PSD3: variants seen among roughly 807,000 people sequenced by gnomAD.
PSD3 encodes the protein PH and SEC7 domain-containing protein 3.
In PSD3, 49 loss-of-function variants were observed where a neutral mutation model predicts 105.5. The ratio of observed to expected loss-of-function variants is 0.46; its 90% CI spans 0.37 to 0.59. The LOEUF is 0.59. PSD3 is among the 20% of genes least tolerant of loss of function. The pLI, the probability that PSD3 is intolerant of heterozygous loss-of-function variation, is 0.00. For synonymous variants in PSD3, 557 were observed against 457.8 expected (o/e 1.22, Z -2.77); for missense variants, 1,561 against 1,263.8 (o/e 1.24, Z -3.57).
At chr8:18,576,819 A>G (rs1326731597) in intron 12 of PSD3, among the ~76,000 whole-genome samples, 4 of 152,092 alleles carry the variant, frequency 2.6e-5, no homozygotes, top group Admixed American at 1.3e-4. Flanking sequence ...CTCCATTTCC[A>G]TACATACTGA....
chr8:18,975,318 T>A (rs199900498), intron 1 of PSD3, among the ~76,000 whole-genome samples: 195 of 119,044 alleles, frequency 1.6e-3, no homozygotes, highest in Middle Eastern at 4.0e-3. Flanking sequence ...TCTGAAATTT[T>A]TTTTTTTTTT....
At chr8:19,052,529 G>A (rs542385776) in intron 1 of PSD3, among the ~76,000 whole-genome samples, 1 of 151,952 alleles carries the variant, frequency 6.6e-6, no homozygotes, top group African/African-American at 2.4e-5. Context: ...GCAAAGCAAA[G>A]TGTCAAGAGC....
At chr8:18,564,356 C>T (rs1041630510) in intron 14 of PSD3, among the ~76,000 whole-genome samples, 2 of 152,078 alleles carry the variant, frequency 1.3e-5, no homozygotes, top group African/African-American at 2.4e-5. Context: ...TGGCCAGGCA[C>T]GGTGGCTCAC....
chr8:18,605,049 T>C (rs2410576), intron 11 of PSD3, among the ~76,000 whole-genome samples: 110,198 of 152,172 alleles, frequency 0.72, 40,133 homozygotes, highest in East Asian at 0.82. Flanking sequence ...GTTAAAGCCC[T>C]CACACAGAGT....
At chr8:18,754,437 T>C (rs1286989583) in intron 9 of PSD3, among the ~76,000 whole-genome samples, 1 of 152,162 alleles carries the variant, frequency 6.6e-6, no homozygotes, top group Admixed American at 6.5e-5. Context: ...AACCTAAATG[T>C]CTGTGTTCTA....
intron 6 of PSD3, among the ~76,000 whole-genome samples, chr8:18,802,696 T>C (rs970263040): frequency 6.6e-6 from 1 of 152,120 alleles, no homozygotes; most frequent in African/African-American, 2.4e-5. Flanking sequence ...CAGACCTCAG[T>C]TTCTTGATTT....
intron 1 of PSD3, among the ~76,000 whole-genome samples, chr8:19,055,322 C>A (rs866546940): frequency 6.6e-6 from 1 of 152,090 alleles, no homozygotes; most frequent in African/African-American, 2.4e-5. Flanking sequence ...GGCAGAGTCT[C>A]GGCTCACTGC....
At chr8:18,789,998 G>A (rs1202354186) in intron 8 of PSD3, among the ~76,000 whole-genome samples, 1 of 151,662 alleles carries the variant, frequency 6.6e-6, no homozygotes, top group African/African-American at 2.4e-5. Context: ...ACTGATTAAA[G>A]CTACCCTGAG....
At chr8:18,622,336 A>G (rs1177277188) in intron 11 of PSD3, among the ~76,000 whole-genome samples, 1 of 152,222 alleles carries the variant, frequency 6.6e-6, no homozygotes, top group Non-Finnish European at 1.5e-5. Flanking sequence ...ACCTTTTGAA[A>G]CAAATTACTT....
At chr8:18,880,592 G>T (rs1333420406) in intron 2 of PSD3, among the ~76,000 whole-genome samples, 2 of 152,150 alleles carry the variant, frequency 1.3e-5, no homozygotes, top group African/African-American at 2.4e-5. Flanking sequence ...ACTCTACTTG[G>T]ACCGGCATCC....
intron 1 of PSD3, among the ~76,000 whole-genome samples, chr8:18,968,902 A>C (rs962768884): frequency 1.6e-5 from 2 of 126,126 alleles, no homozygotes; most frequent in Non-Finnish European, 3.5e-5. Flanking sequence ...AAAAAAAAAA[A>C]CTCCACCCAC....
chr8:18,602,658 C>A (rs181908129), intron 11 of PSD3, among the ~76,000 whole-genome samples: 43 of 152,132 alleles, frequency 2.8e-4, no homozygotes, highest in African/African-American at 9.2e-4. Context: ...ACTATTGATA[C>A]TTCCATCTTA....
chr8:18,837,775 T>C lies in PSD3; in HGVS notation c.1634+29899A>G, dbSNP rs377500312. Among the ~76,000 whole-genome samples, 123 of 152,268 alleles carry C rather than the reference T, an allele frequency of 8.1e-4. 2 individuals carry two copies. The South Asian group carries it at 0.024, about 30-fold the overall frequency. On this transcript the variant is annotated intron_variant, in intron 4 of 15. Transcript: ENST00000327040. The stretch of plus-strand genomic sequence containing the variant: ...GCAAGATGACAAGACCCCGTCCCTA[T>C]ATATTTAATTAAAATTTAAACATAT...
intron 1 of PSD3, among the ~76,000 whole-genome samples, chr8:19,078,199 A>G (rs2129478230): frequency 6.6e-6 from 1 of 152,222 alleles, no homozygotes; most frequent in South Asian, 2.1e-4. Context: ...CCAAGCCAGG[A>G]AAACAAAAGT....
At chr8:18,845,817 G>C (rs919911497) in intron 4 of PSD3, among the ~76,000 whole-genome samples, 8 of 152,102 alleles carry the variant, frequency 5.3e-5, no homozygotes, top group Admixed American at 4.6e-4. Flanking sequence ...ACTCAAACTG[G>C]TCACTTAGTC....
chr8:18,967,703 G>T (rs1480612434), intron 1 of PSD3, among the ~76,000 whole-genome samples: 2 of 152,076 alleles, frequency 1.3e-5, no homozygotes, highest in African/African-American at 2.4e-5. Flanking sequence ...CTCAGATGTT[G>T]GTAGGAGGAA....
At chr8:18,967,944 T>C (rs778735201) in intron 1 of PSD3, among the ~76,000 whole-genome samples, 1 of 152,142 alleles carries the variant, frequency 6.6e-6, no homozygotes, top group African/African-American at 2.4e-5. Context: ...TTGCTTCCAA[T>C]ATCCAAGTTC....
In PSD3 at chr8:19,029,218, G is replaced by C. The variant is rs576568573; in HGVS notation, c.324+54988C>G. Among the ~76,000 whole-genome samples the C allele has an allele frequency of 5.3e-5, 8 of 152,282 alleles. No homozygotes were observed. In the South Asian group the frequency reaches 1.5e-3, roughly 28 times the overall value. ...AAATGTCCAGTATGATGTCAATTGG[G>C]ATGGCACTGAATCTGTAGGTCAGCT... On this transcript the variant is annotated intron_variant, in intron 1 of 1. Transcript: ENST00000521475.
intron 9 of PSD3, among the ~76,000 whole-genome samples, chr8:18,695,366 C>T (rs1297708000): frequency 6.6e-6 from 1 of 152,200 alleles, no homozygotes; most frequent in Non-Finnish European, 1.5e-5. Flanking sequence ...ATAACAGCAT[C>T]TTTGATGCCT....
Sources: gnomAD v4.1 joint callset for allele counts (sites outside exome capture counted in the v4.1 genomes callset) on GRCh38, gnomAD v4.1.1 for gene constraint, MANE v1.5 for transcripts, NCBI Gene and HGNC (gene_info 2026-07-23, HGNC 2026-07-21) for gene names.